Variants in CSAD observed in about 807,000 individuals in gnomAD.
The protein encoded by CSAD is cysteine sulfinic acid decarboxylase.
Under a neutral mutation model 61.5 loss-of-function variants are expected in CSAD, and 47 were observed. The ratio of observed to expected loss-of-function variants is 0.76; its 90% CI spans 0.60 to 0.97. The LOEUF is 0.97. Ranked by LOEUF, CSAD falls within the 50% of genes least tolerant of loss-of-function variation. The pLI, the probability that CSAD is intolerant of heterozygous loss-of-function variation, is 0.00. For missense variants in CSAD, 611 were observed against 643.6 expected (o/e 0.95, Z 0.55); for synonymous variants, 245 against 252.7 (o/e 0.97, Z 0.29).
At position 53,168,583 on chromosome 12, in the gene CSAD, T is replaced by C. The variant is rs1940188802; in HGVS notation, c.702+1489A>G. On this transcript the variant is annotated intron_variant, in intron 10 of 16. Coordinates refer to ENST00000444623, the MANE Select transcript of CSAD (RefSeq NM_001244705.2). ...ACGGCAATTTGCAATAAATATTTAA[T>C]ATATACAGTGGAGATACTTTCATGT... 2.6e-5 allele frequency among the ~76,000 whole-genome samples: 4 copies of C among 152,242 alleles called. No homozygotes were observed. In the South Asian group the frequency reaches 8.3e-4, roughly 32 times the overall value.
At chr12:53,173,216 G>A (rs1028890084) in intron 4 of CSAD, 129 bp downstream of exon 4, 3 of 885,212 alleles carry the variant, frequency 3.4e-6, no homozygotes, top group Admixed American at 6.0e-5. Flanking sequence ...AAGAAAGAAA[G>A]GAAGAAAGGA....
At chr12:53,179,434 G>A (rs923115454) in intron 1 of CSAD, among the ~76,000 whole-genome samples, 1 of 152,182 alleles carries the variant, frequency 6.6e-6, no homozygotes, top group Non-Finnish European at 1.5e-5. Flanking sequence ...AGGAGCATGG[G>A]ATAAGTAGAG....
chr12:53,179,719 T>C (rs1271748789), intron 1 of CSAD: 3 of 1,422,214 alleles, frequency 2.1e-6, no homozygotes, highest in Non-Finnish European at 2.9e-6. Context: ...CATACAGTTT[T>C]TTTTTTCTTT....
At position 53,159,797 on chromosome 12, in the gene CSAD, C is replaced by CT. The variant is rs1405786482; in HGVS notation, c.1219-86dup. 1.6e-5 allele frequency: 24 copies of CT among 1,531,990 alleles called. No homozygotes were observed. The East Asian group carries it at 5.7e-4, about 37-fold the overall frequency. The allele number at this position is 1,531,990 out of a possible 1,614,324, so 94.9% of individuals were successfully genotyped here. A position where few individuals can be genotyped will look rare whatever the true frequency, so the allele number is the denominator to read the frequency against. On this transcript the variant is annotated intron_variant, in intron 15 of 16. Transcript: ENST00000444623. Reference sequence around the variant, plus strand: ...CCTGCCCCTTTCCCCTCTCCCTGCCCTTTTCCCTCCACTAGGGCTTTAGTT... The same window carrying CT: ...CCTGCCCCTTTCCCCTCTCCCTGCCCTTTTTCCCTCCACTAGGGCTTTAGTT...
chr12:53,171,745 C>T, intron 7 of CSAD, 137 bp downstream of exon 7: 1 of 663,526 alleles, frequency 1.5e-6, no homozygotes, highest in Non-Finnish European at 2.6e-6. Flanking sequence ...CAGCCGCCTC[C>T]CTGGCCTGGC....
intron 10 of CSAD, among the ~76,000 whole-genome samples, chr12:53,162,960 T>C (rs1395042364): frequency 6.7e-6 from 1 of 150,244 alleles, no homozygotes; most frequent in African/African-American, 2.5e-5. Context: ...ACTCTGGAGG[T>C]TGAGGCAGGA....
In CSAD at chr12:53,170,116, C is replaced by T. The variant is rs778800317; in HGVS notation, c.658G>A (p.Val220Ile). The change falls in exon 10 of 17, where the codon GTC becomes ATC. Residue 220 changes from valine to isoleucine, a missense_variant. Physicochemically the swap from Val to Ile is conservative, Grantham distance 29. Coordinates refer to ENST00000444623, the MANE Select transcript of CSAD (RefSeq NM_001244705.2). ...VVKADERGKM[V>I]PEDLERQIGM... Reference sequence around the variant, plus strand: ...ATCTGCCTCTCCAGATCCTCGGGGACCATTTTCCCTCTGAAAAAGAAAATG... The same window carrying T: ...ATCTGCCTCTCCAGATCCTCGGGGATCATTTTCCCTCTGAAAAAGAAAATG... 1.9e-6 allele frequency: 3 copies of T among 1,614,022 alleles called. No individual in the cohort carries two copies. Among genetic ancestry groups the T allele is most frequent in the Admixed American group, 1.7e-5 (1 of 60,016 alleles).
chr12:53,179,632 C>G (rs1480573834), intron 1 of CSAD: 1 of 696,134 alleles, frequency 1.4e-6, no homozygotes, highest in African/African-American at 1.8e-5. Context: ...TTCAATGGCC[C>G]AAATCATGGA....
chr12:53,169,630 T>C (rs1265549496), intron 10 of CSAD, among the ~76,000 whole-genome samples: 1 of 152,082 alleles, frequency 6.6e-6, no homozygotes, highest in Non-Finnish European at 1.5e-5. Flanking sequence ...GTATAGATGG[T>C]GCCAAAATGC....
chr12:53,159,961 C>G, intron 14 of CSAD, 23 bp from the exon 15 acceptor site: 2 of 1,605,512 alleles, frequency 1.2e-6, no homozygotes, highest in Non-Finnish European at 1.7e-6. Flanking sequence ...AGTGAGAAAC[C>G]ATAGGCGGGG....
At chr12:53,159,327 A>G (rs1181085579) in intron 16 of CSAD, among the ~76,000 whole-genome samples, 1 of 152,138 alleles carries the variant, frequency 6.6e-6, no homozygotes, top group African/African-American at 2.4e-5. Flanking sequence ...TTCCATGATC[A>G]TTCTGCCTCA....
intron 6 of CSAD, 90 bp from the exon 7 acceptor site, chr12:53,172,078 C>G: frequency 1.1e-6 from 1 of 907,002 alleles, no homozygotes; most frequent in Non-Finnish European, 1.8e-6. Flanking sequence ...AAAAAGGAGG[C>G]AGTGAAGAGT....
In CSAD at chr12:53,159,946, C is replaced by A; in HGVS notation, c.1167-8G>T. On this transcript the variant is annotated splice_polypyrimidine_tract_variant and splice_region_variant and intron_variant, in intron 14 of 16. Transcript: ENST00000444623. ...ATTTCCTCCACCAGGTACCTGTGAA[C>A]AGAGAGTGAGAAACCATAGGCGGGG... 6.2e-7 allele frequency: 1 copy of A among 1,606,382 alleles called. No homozygotes were observed. Among genetic ancestry groups the A allele is most frequent in the South Asian group, 1.1e-5 (1 of 90,004 alleles).
chr12:53,170,475 C>A lies in CSAD; in HGVS notation c.595G>T (p.Ala199Ser), dbSNP rs780839800. The change falls in exon 9 of 17, where the codon GCG becomes TCG. Residue 199 changes from alanine (A) to serine (S), a missense_variant. Coordinates refer to ENST00000444623, the MANE Select transcript of CSAD (RefSeq NM_001244705.2). ...CTGTCGGTGCCAAGTCCCAGAAACG[C>A]AGCTCCCTTCTGGATGGAGTAGTGA... ...ECHYSIQKGA[A>S]FLGLGTDSVR... The A allele has an allele frequency of 7.4e-6, 12 of 1,614,000 alleles. No individual in the cohort carries two copies. Among genetic ancestry groups the A allele is most frequent in the Middle Eastern group, 1.6e-4 (1 of 6,084 alleles).
chr12:53,170,362 G>A, intron 9 of CSAD, 61 bp downstream of exon 9: 1 of 1,458,236 alleles, frequency 6.9e-7, no homozygotes. Context: ...GAGCTTTCTG[G>A]CGGCAGGAAG....
chr12:53,168,493 A>G (rs1940179711), intron 10 of CSAD, among the ~76,000 whole-genome samples: 1 of 152,206 alleles, frequency 6.6e-6, no homozygotes, highest in Admixed American at 6.5e-5. Context: ...ACATCCATAT[A>G]TCAATAATAT....
intron 10 of CSAD, among the ~76,000 whole-genome samples, chr12:53,165,734 T>C (rs975571481): frequency 2.6e-5 from 4 of 151,486 alleles, no homozygotes; most frequent in Non-Finnish European, 5.9e-5. Flanking sequence ...ATTAGAACCC[T>C]TGTGCACTGC....
intron 1 of CSAD, chr12:53,179,733 T>C (rs750554283): frequency 4.8e-6 from 7 of 1,444,994 alleles, no homozygotes; most frequent in Admixed American, 1.9e-5. Context: ...TTTCTTTTGG[T>C]ATCACCATTA....
chr12:53,159,355 A>C (rs1938962831), intron 16 of CSAD, among the ~76,000 whole-genome samples: 1 of 152,152 alleles, frequency 6.6e-6, no homozygotes, highest in African/African-American at 2.4e-5. Flanking sequence ...CCTGGGCCTG[A>C]GTTCCCAGCC....
Sources: allele counts gnomAD v4.1 joint callset (sites outside exome capture counted in the v4.1 genomes callset), GRCh38; gene constraint gnomAD v4.1.1; transcripts MANE v1.5; gene names NCBI Gene and HGNC (gene_info 2026-07-23, HGNC 2026-07-21).